LUZP2: variants seen among roughly 807,000 people sequenced by gnomAD.
LUZP2 encodes leucine zipper protein 2.
In LUZP2, 52 loss-of-function variants were observed where a neutral mutation model predicts 51.6. That is an observed-to-expected ratio of 1.01 (90% CI 0.81 to 1.27). The LOEUF is 1.27. LUZP2 is among the 50% of genes most tolerant of loss of function. The probability of loss-of-function intolerance (pLI) is 0.00; values close to 1 mark genes in which losing one functional copy is unlikely to be tolerated. For synonymous variants in LUZP2, 154 were observed against 137.3 expected (o/e 1.12, Z -0.85); for missense variants, 436 against 395.4 (o/e 1.10, Z -0.87).
chr11:24,912,143 C>T (rs976722948), intron 6 of LUZP2, among the ~76,000 whole-genome samples: 7 of 150,858 alleles, frequency 4.6e-5, no homozygotes, highest in Non-Finnish European at 1.0e-4. Context: ...CCTTTTTCCT[C>T]TCTTCCTTCC....
At chr11:24,767,361 G>A (rs968058240) in intron 5 of LUZP2, among the ~76,000 whole-genome samples, 1 of 152,090 alleles carries the variant, frequency 6.6e-6, no homozygotes, top group African/African-American at 2.4e-5. Context: ...AAACAACAAT[G>A]CATAAATTGG....
At chr11:24,543,001 C>A (rs1034510490) in intron 1 of LUZP2, among the ~76,000 whole-genome samples, 1 of 150,116 alleles carries the variant, frequency 6.7e-6, no homozygotes, top group African/African-American at 2.5e-5. Flanking sequence ...AGGTTTACTA[C>A]AAGTAAATTA....
intron 4 of LUZP2, among the ~76,000 whole-genome samples, chr11:24,746,208 T>C (rs1490105167): frequency 6.6e-6 from 1 of 152,214 alleles, no homozygotes; most frequent in Non-Finnish European, 1.5e-5. Flanking sequence ...TGTTTCAAGA[T>C]TTAGCATTCC....
At chr11:24,573,321 A>C (rs1852501363) in intron 1 of LUZP2, among the ~76,000 whole-genome samples, 3 of 152,028 alleles carry the variant, frequency 2.0e-5, no homozygotes. Context: ...GAGCTTGTAC[A>C]TCACTGTCAC....
At chr11:24,630,826 A>G (rs532509659) in intron 1 of LUZP2, among the ~76,000 whole-genome samples, 40 of 151,954 alleles carry the variant, frequency 2.6e-4, no homozygotes, top group African/African-American at 9.4e-4. Context: ...CTTCTGATCT[A>G]TGAGCATGGG....
At chr11:24,853,490 A>G (rs1432548890) in intron 5 of LUZP2, among the ~76,000 whole-genome samples, 1 of 151,998 alleles carries the variant, frequency 6.6e-6, no homozygotes, top group African/African-American at 2.4e-5. Flanking sequence ...ATGTTCTTCT[A>G]TAAATGGGTT....
intron 5 of LUZP2, among the ~76,000 whole-genome samples, chr11:24,828,558 GAAAA>G (rs57464249): frequency 8.2e-4 from 111 of 134,998 alleles, no homozygotes; most frequent in African/African-American, 2.9e-3. Context: ...CCCTGTGGCA[GAAAA>G]AAAAAAAAAA....
At chr11:24,774,311 A>G (rs1200740519) in intron 5 of LUZP2, among the ~76,000 whole-genome samples, 1 of 133,890 alleles carries the variant, frequency 7.5e-6, no homozygotes, top group Non-Finnish European at 1.6e-5. Flanking sequence ...GTGTGAGTTA[A>G]TGAGTTAATA....
intron 5 of LUZP2, among the ~76,000 whole-genome samples, chr11:24,843,643 C>T (rs1979545): frequency 0.99 from 151,411 of 152,274 alleles, 75,279 homozygotes; most frequent in Middle Eastern, 1. Context: ...CTATGGACAA[C>T]AAAGAAGAGT....
At chr11:24,849,996 T>A (rs1851338365) in intron 5 of LUZP2, among the ~76,000 whole-genome samples, 1 of 152,234 alleles carries the variant, frequency 6.6e-6, no homozygotes, top group Non-Finnish European at 1.5e-5. Context: ...TAAATTTGTT[T>A]AAGTTCTTTG....
At chr11:24,689,782 C>T (rs1380184522) in intron 1 of LUZP2, among the ~76,000 whole-genome samples, 1 of 152,070 alleles carries the variant, frequency 6.6e-6, no homozygotes, top group East Asian at 1.9e-4. Context: ...GTTCCTGACC[C>T]AAAACTGTTC....
At position 24,894,740 on chromosome 11, in the gene LUZP2, CT is replaced by C. The variant is rs1252634207; in HGVS notation, c.397-11248del. 2.0e-5 allele frequency among the ~76,000 whole-genome samples: 3 copies of C among 152,106 alleles called. No individual in the cohort carries two copies. The East Asian group carries it at 5.8e-4, about 29-fold the overall frequency. On this transcript the variant is annotated intron_variant, in intron 5 of 11. Coordinates refer to ENST00000336930, the MANE Select transcript of LUZP2 (RefSeq NM_001009909.4). ...TTCCATTTAGCCACTGTGGAAAGCA[CT>C]TTGGAGCTTTCTAAAGAATGAATCT...
intron 1 of LUZP2, among the ~76,000 whole-genome samples, chr11:24,626,051 T>C (rs948745013): frequency 6.6e-6 from 1 of 152,210 alleles, no homozygotes; most frequent in Non-Finnish European, 1.5e-5. Flanking sequence ...CTTAAGGTTT[T>C]CTGAGTCTCT....
At chr11:24,614,670 C>G (rs1854231259) in intron 1 of LUZP2, among the ~76,000 whole-genome samples, 1 of 151,948 alleles carries the variant, frequency 6.6e-6, no homozygotes, top group African/African-American at 2.4e-5. Flanking sequence ...TTTTCCCTCT[C>G]TTGGGAAAAC....
chr11:24,537,824 T>C (rs1851227033), intron 1 of LUZP2, among the ~76,000 whole-genome samples: 1 of 151,884 alleles, frequency 6.6e-6, no homozygotes, highest in African/African-American at 2.4e-5. Flanking sequence ...TACCAAAAAA[T>C]AGAGCTTTAT....
At chr11:24,900,783 T>A (rs868186379) in intron 5 of LUZP2, among the ~76,000 whole-genome samples, 1 of 152,196 alleles carries the variant, frequency 6.6e-6, no homozygotes, top group South Asian at 2.1e-4. Context: ...GCTTTTTCTG[T>A]CCATAAATCT....
chr11:24,515,831 A>T lies in LUZP2; in HGVS notation c.62+18526A>T, dbSNP rs1850446757. Among the ~76,000 whole-genome samples the T allele has an allele frequency of 2.0e-5, 3 of 152,192 alleles. No individual in the cohort carries two copies. The South Asian group carries it at 6.2e-4, about 32-fold the overall frequency. ...AGGGTGGGTTTACCTCTGTGGTACA[A>T]CCTGTGCTCCAGAGCTCCCCTAGGG... On this transcript the variant is annotated intron_variant, in intron 1 of 11. Transcript: ENST00000336930.
intron 9 of LUZP2, among the ~76,000 whole-genome samples, chr11:24,987,194 T>C (rs779241038): frequency 6.6e-6 from 1 of 151,952 alleles, no homozygotes; most frequent in Admixed American, 6.6e-5. Flanking sequence ...AAAGCCAGGA[T>C]AACATGAAAA....
chr11:24,772,946 A>G (rs1210275083), intron 5 of LUZP2, among the ~76,000 whole-genome samples: 1 of 152,142 alleles, frequency 6.6e-6, no homozygotes, highest in Non-Finnish European at 1.5e-5. Context: ...CCTTGTTTTA[A>G]CAATTTCATG....
Sources: allele counts gnomAD v4.1 joint callset (sites outside exome capture counted in the v4.1 genomes callset), GRCh38; gene constraint gnomAD v4.1.1; transcripts MANE v1.5; gene names NCBI Gene and HGNC (gene_info 2026-07-23, HGNC 2026-07-21).